Variants in NRXN3 observed in about 807,000 individuals in gnomAD.
NRXN3 encodes the protein neurexin 3, also known as neurexin III.
A neutral mutation model predicts 137.6 loss-of-function variants in NRXN3; 32 were observed. The observed-to-expected ratio is 0.23, with a 90% confidence interval of 0.18 to 0.31. NRXN3 has a LOEUF of 0.31. NRXN3 is among the 10% of genes least tolerant of loss of function. The pLI is 1.00. For missense variants in NRXN3, 1,574 were observed against 2,062.5 expected, an observed-to-expected ratio of 0.76 and a Z score of 4.59; for synonymous variants, 798 against 784.5, an observed-to-expected ratio of 1.02 and a Z score of -0.29.
At chr14:79,013,474 G>T (rs2099574443) in intron 15 of NRXN3, among the ~76,000 whole-genome samples, 1 of 152,034 alleles carries the variant, frequency 6.6e-6, no homozygotes, top group Non-Finnish European at 1.5e-5. Flanking sequence ...ACTTTCTGTG[G>T]GTAGACAATG....
chr14:79,677,237 A>G (rs2098645657), intron 17 of NRXN3, among the ~76,000 whole-genome samples: 1 of 152,050 alleles, frequency 6.6e-6, no homozygotes, highest in Non-Finnish European at 1.5e-5. Context: ...AGTATAATTA[A>G]ACAAAATGAT....
In NRXN3 at chr14:78,263,510, C is replaced by G. The variant is rs2071135900; in HGVS notation, c.710-15135C>G. Among the ~76,000 whole-genome samples, 4 of 152,250 alleles carry G rather than the reference C, an allele frequency of 2.6e-5. No individual in the cohort carries two copies. In the South Asian group the frequency reaches 8.3e-4, roughly 32 times the overall value. ...CAATGGAGTATTTTTCAGAAGCAAA[C>G]AGTACGGGGGTCATATAATTCCTCG... On this transcript the variant is annotated intron_variant, in intron 2 of 20. Coordinates refer to ENST00000335750, the MANE Select transcript of NRXN3 (RefSeq NM_001330195.2).
intron 16 of NRXN3, among the ~76,000 whole-genome samples, chr14:79,508,390 A>ATCTTTTTTTTTTTTTT (rs1555494767): frequency 2.1e-5 from 1 of 48,240 alleles, no homozygotes; most frequent in Non-Finnish European, 4.0e-5. Context: ...ACAATAACTG[A>ATCTTTTTTTTTTTTTT]TTTTTTTTTT....
chr14:79,304,369 CT>C (rs1282205932), intron 15 of NRXN3, among the ~76,000 whole-genome samples: 3 of 151,966 alleles, frequency 2.0e-5, no homozygotes, highest in Non-Finnish European at 2.9e-5. Flanking sequence ...CACCCATTGC[CT>C]TTTGGGATCC....
Position 79,647,898 on chromosome 14 carries a change from G to A in NRXN3, c.3445-15880G>A, listed in dbSNP as rs921096457. On this transcript the variant is annotated intron_variant, in intron 16 of 20. Transcript: ENST00000335750. ...AGGTGAGAAAATTGAGGTTCAGAGA[G>A]TTTAAATAATATTGTCAAAAACATA... 1.5e-5 allele frequency among the ~76,000 whole-genome samples: 2 copies of A among 135,118 alleles called. 1 individual carries two copies. The highest frequency in any genetic ancestry group is 3.4e-5 in the Non-Finnish European group (2 of 58,202). 88.6% of individuals were successfully genotyped at this position (135,118 alleles called of 152,430 possible).
intron 10 of NRXN3, among the ~76,000 whole-genome samples, chr14:78,813,104 C>T (rs75686546): frequency 0.018 from 2,781 of 152,094 alleles, 51 homozygotes; most frequent in African/African-American, 0.045. Flanking sequence ...ATATATTATG[C>T]AGAAGAATGC....
chr14:79,392,429 T>G (rs190237789), intron 15 of NRXN3, among the ~76,000 whole-genome samples: 2 of 152,352 alleles, frequency 1.3e-5, no homozygotes, highest in East Asian at 3.9e-4. Context: ...TCTTTGCTAT[T>G]GTGAACAGTG....
At chr14:78,510,493 C>G (rs2153788962) in intron 4 of NRXN3, among the ~76,000 whole-genome samples, 1 of 152,186 alleles carries the variant, frequency 6.6e-6, no homozygotes, top group Admixed American at 6.5e-5. Flanking sequence ...CAAAGGAGTG[C>G]TATTGATTTG....
intron 15 of NRXN3, among the ~76,000 whole-genome samples, chr14:79,029,929 C>T (rs1239709514): frequency 6.6e-6 from 1 of 152,124 alleles, no homozygotes; most frequent in African/African-American, 2.4e-5. Flanking sequence ...TCACTGCAAC[C>T]TCTGCCTCTG....
intron 10 of NRXN3, among the ~76,000 whole-genome samples, chr14:78,913,262 CTTTCTTTCTTTCTTT>C (rs2152793502): frequency 2.5e-5 from 2 of 80,380 alleles, no homozygotes; most frequent in African/African-American, 1.3e-4. Flanking sequence ...TTCTTTCTTT[CTTTCTTTCTTTCTTT>C]TTTTTTTTTT....
intron 15 of NRXN3, among the ~76,000 whole-genome samples, chr14:79,235,853 C>T (rs554732609): frequency 2.8e-4 from 43 of 152,140 alleles, no homozygotes; most frequent in Non-Finnish European, 5.0e-4. Flanking sequence ...AGATTTCTCT[C>T]ATAAGTGCAT....
intron 15 of NRXN3, among the ~76,000 whole-genome samples, chr14:79,040,847 A>G (rs778004078): frequency 2.4e-4 from 37 of 152,142 alleles, no homozygotes; most frequent in Middle Eastern, 3.4e-3. Context: ...TGTTCCCCTT[A>G]CTGCACATGT....
intron 15 of NRXN3, among the ~76,000 whole-genome samples, chr14:79,353,573 T>C (rs546779260): frequency 1.3e-5 from 2 of 152,280 alleles, no homozygotes; most frequent in African/African-American, 4.8e-5. Context: ...TTTTAAACTG[T>C]TTTAGAACAT....
chr14:79,360,608 C>T (rs1006371273), intron 15 of NRXN3, among the ~76,000 whole-genome samples: 5 of 152,050 alleles, frequency 3.3e-5, no homozygotes, highest in African/African-American at 9.7e-5. Context: ...AAGACGTGGC[C>T]GAGCAAGCTT....
At chr14:79,456,597 G>A (rs2096260978) in intron 15 of NRXN3, among the ~76,000 whole-genome samples, 1 of 151,848 alleles carries the variant, frequency 6.6e-6, no homozygotes, top group Non-Finnish European at 1.5e-5. Flanking sequence ...CATAGTGGCG[G>A]GTGCCTGTAA....
At chr14:78,665,885 G>GA (rs1482107453) in intron 6 of NRXN3, among the ~76,000 whole-genome samples, 10 of 152,214 alleles carry the variant, frequency 6.6e-5, no homozygotes, top group Admixed American at 3.9e-4. Context: ...AATTTATCAA[G>GA]CTTATCTCTG....
At chr14:78,931,144 T>C (rs1209294032) in intron 10 of NRXN3, among the ~76,000 whole-genome samples, 2 of 152,304 alleles carry the variant, frequency 1.3e-5, no homozygotes, top group South Asian at 4.1e-4. Flanking sequence ...AATTTTTTTT[T>C]CCTAAATATC....
intron 19 of NRXN3, among the ~76,000 whole-genome samples, chr14:79,778,381 A>C (rs1466573722): frequency 6.6e-6 from 1 of 152,184 alleles, no homozygotes. Context: ...ATGCCACTGC[A>C]CTCCAGCCTG....
At chr14:78,654,417 C>T (rs144098454) in intron 6 of NRXN3, among the ~76,000 whole-genome samples, 30 of 152,254 alleles carry the variant, frequency 2.0e-4, no homozygotes, top group East Asian at 7.7e-4. Flanking sequence ...AGGGACATGG[C>T]AAAGGGCCTA....
Sources: allele counts gnomAD v4.1 joint callset (sites outside exome capture counted in the v4.1 genomes callset), GRCh38; gene constraint gnomAD v4.1.1; transcripts MANE v1.5; gene names NCBI Gene and HGNC (gene_info 2026-07-23, HGNC 2026-07-21).